TRAPPC9: variants seen among roughly 807,000 people sequenced by gnomAD.
TRAPPC9 encodes IKK2 binding protein.
In TRAPPC9, 83 loss-of-function variants were observed where a neutral mutation model predicts 124.0. The observed-to-expected ratio is 0.67, with a 90% CI of 0.56 to 0.80. The LOEUF (loss-of-function observed/expected upper bound fraction) is 0.80, where lower values mean the gene tolerates loss of function less well. Ranked by LOEUF, TRAPPC9 falls within the 30% of genes least tolerant of loss-of-function variation. TRAPPC9 has a pLI of 0.00. For synonymous variants in TRAPPC9, 638 were observed against 617.5 expected, an observed-to-expected ratio of 1.03 and a Z score of -0.49; for missense variants, 1,302 against 1,508.3, an observed-to-expected ratio of 0.86 and a Z score of 2.27.
intron 16 of TRAPPC9, among the ~76,000 whole-genome samples, chr8:140,235,171 C>T (rs916110871): frequency 1.3e-5 from 2 of 152,136 alleles, no homozygotes; most frequent in Non-Finnish European, 1.5e-5. Flanking sequence ...TAGGGTTTCA[C>T]CATGTTGGTC....
chr8:140,417,088 A>G (rs936822882), intron 5 of TRAPPC9, among the ~76,000 whole-genome samples: 1 of 152,262 alleles, frequency 6.6e-6, no homozygotes, highest in African/African-American at 2.4e-5. Context: ...TTAAAGACTT[A>G]AACGTAGGAC....
chr8:140,338,363 T>TG, intron 9 of TRAPPC9, among the ~76,000 whole-genome samples: 1 of 152,336 alleles, frequency 6.6e-6, no homozygotes, highest in Middle Eastern at 3.4e-3. Context: ...AAGCATATAA[T>TG]GTACTGTCAG....
rs185303756 is a variant in TRAPPC9, at chr8:140,176,531, G to C, written c.2556+44928C>G. Among the ~76,000 whole-genome samples, 22 of 152,328 alleles carry C rather than the reference G, an allele frequency of 1.4e-4. No individual in the cohort carries two copies. In the East Asian group the frequency reaches 1.7e-3, roughly 12 times the overall value. ...CTCCACTGCCACGTGGTATTGCACT[G>C]CATGGGTATGTTAAAGTGTGTTTAT... On this transcript the variant is annotated intron_variant, in intron 17 of 22. Transcript: ENST00000438773.
rs928386861 is a variant in TRAPPC9, at chr8:139,984,497, C to T, written c.2810+4229G>A. 1.3e-4 allele frequency among the ~76,000 whole-genome samples: 20 copies of T among 151,928 alleles called. No homozygotes were observed. Among genetic ancestry groups the T allele is most frequent in the South Asian group, 2.1e-4 (1 of 4,814 alleles). On this transcript the variant is annotated intron_variant, in intron 19 of 22. Coordinates refer to ENST00000438773, the MANE Select transcript of TRAPPC9 (RefSeq NM_001160372.4). This position sits in a 1 kb window ranked among gnomAD's most constrained non-coding sequence, Gnocchi z 4.3. Reference sequence around the variant, plus strand: ...GCAGGGGTGCCTCCTCGTAGGGGAACGGGAGAGCCAGGAGAGAGGTTCGGC... The same window carrying T: ...GCAGGGGTGCCTCCTCGTAGGGGAATGGGAGAGCCAGGAGAGAGGTTCGGC...
intron 21 of TRAPPC9, among the ~76,000 whole-genome samples, chr8:139,837,982 C>T (rs542874809): frequency 6.6e-6 from 1 of 152,206 alleles, no homozygotes; most frequent in Non-Finnish European, 1.5e-5. Flanking sequence ...CAGGCTCCTT[C>T]CACACTGCAC....
At chr8:139,910,020 T>C in intron 20 of TRAPPC9, 127 bp downstream of exon 20, 1 of 1,122,526 alleles carries the variant, frequency 8.9e-7, no homozygotes, top group Non-Finnish European at 1.3e-6. Flanking sequence ...CCACATCTCC[T>C]TGCCACAGCA....
At chr8:139,856,674 G>A (rs1827817732) in intron 21 of TRAPPC9, among the ~76,000 whole-genome samples, 1 of 150,268 alleles carries the variant, frequency 6.7e-6, no homozygotes, top group African/African-American at 2.5e-5. Flanking sequence ...AACTCCCTTT[G>A]TAAATAGGAC....
chr8:140,093,686 G>C (rs1421420218), intron 17 of TRAPPC9, among the ~76,000 whole-genome samples: 2 of 139,494 alleles, frequency 1.4e-5, no homozygotes, highest in Non-Finnish European at 3.1e-5. Context: ...AAAAAAAAAA[G>C]ACTTCAGACA....
At chr8:140,372,773 C>G (rs1282161197) in intron 7 of TRAPPC9, among the ~76,000 whole-genome samples, 2 of 152,152 alleles carry the variant, frequency 1.3e-5, no homozygotes, top group South Asian at 2.1e-4. Flanking sequence ...GCAAGTGGGC[C>G]CTCCCCAGAC....
At chr8:140,142,510 G>A (rs2061398082) in intron 17 of TRAPPC9, among the ~76,000 whole-genome samples, 1 of 152,244 alleles carries the variant, frequency 6.6e-6, no homozygotes, top group South Asian at 2.1e-4. Context: ...TGCTCCTGCA[G>A]TGGCCTCACA....
chr8:140,190,286 T>G (rs2062460667), intron 17 of TRAPPC9, among the ~76,000 whole-genome samples: 1 of 151,930 alleles, frequency 6.6e-6, no homozygotes, highest in South Asian at 2.1e-4. Flanking sequence ...TGAAACCCTG[T>G]CTCTACTAAA....
At chr8:140,300,170 C>T (rs1354411763) in intron 11 of TRAPPC9, among the ~76,000 whole-genome samples, 1 of 152,202 alleles carries the variant, frequency 6.6e-6, no homozygotes, top group African/African-American at 2.4e-5. Flanking sequence ...AGACTGCACA[C>T]ACGCACACAC....
intron 19 of TRAPPC9, among the ~76,000 whole-genome samples, chr8:139,923,183 T>C (rs61658996): frequency 0.045 from 6,881 of 151,604 alleles, 512 homozygotes; most frequent in African/African-American, 0.15. Flanking sequence ...GAAATAAACA[T>C]CCCTGTATAA....
intron 19 of TRAPPC9, among the ~76,000 whole-genome samples, chr8:139,924,054 G>A (rs376195037): frequency 1.9e-3 from 286 of 152,246 alleles, no homozygotes; most frequent in African/African-American, 6.7e-3. Context: ...GACCCCACAG[G>A]CCTTCTTGTC....
intron 16 of TRAPPC9, among the ~76,000 whole-genome samples, chr8:140,233,765 A>AG (rs1296999015): frequency 6.6e-6 from 1 of 151,482 alleles, no homozygotes; most frequent in African/African-American, 2.4e-5. Flanking sequence ...AAAAAAAAAA[A>AG]AAAACCTTTT....
At chr8:140,290,859 T>A (rs1481631820) in intron 12 of TRAPPC9, 134 bp downstream of exon 12, 5 of 759,018 alleles carry the variant, frequency 6.6e-6, no homozygotes, top group Non-Finnish European at 9.4e-6. Context: ...TACAATAAGC[T>A]TATATGCTTT....
At chr8:139,846,093 G>T (rs1422618041) in intron 21 of TRAPPC9, among the ~76,000 whole-genome samples, 2 of 152,238 alleles carry the variant, frequency 1.3e-5, no homozygotes, top group East Asian at 3.9e-4. Context: ...TGGCCACGAT[G>T]GGCCTTGAAC....
intron 21 of TRAPPC9, among the ~76,000 whole-genome samples, chr8:139,751,102 G>A (rs1008302490): frequency 2.6e-5 from 4 of 152,126 alleles, no homozygotes. Flanking sequence ...CAATCAATAC[G>A]CCATTTAAAA....
chr8:140,076,721 A>G (rs1433220579), intron 17 of TRAPPC9, among the ~76,000 whole-genome samples: 2 of 152,238 alleles, frequency 1.3e-5, no homozygotes, highest in African/African-American at 2.4e-5. Flanking sequence ...ACTGTCACAC[A>G]GCCCTCACCA....
Sources: gnomAD v4.1 joint callset for allele counts (sites outside exome capture counted in the v4.1 genomes callset) on GRCh38, gnomAD v4.1.1 for gene constraint, Gnocchi (gnomAD v3.1) non-coding constraint, MANE v1.5 for transcripts, NCBI Gene and HGNC (gene_info 2026-07-23, HGNC 2026-07-21) for gene names.